Variants in COL14A1 observed in about 807,000 individuals in gnomAD.
COL14A1 encodes collagen type XIV alpha 1 chain.
COL14A1 carries 136 observed loss-of-function variants against 230.3 expected under a neutral mutation model. That is an observed-to-expected ratio of 0.59 (90% CI 0.51 to 0.68). The LOEUF (loss-of-function observed/expected upper bound fraction) is 0.68. COL14A1 is among the 30% of genes least tolerant of loss of function. The pLI is 0.00. For missense variants in COL14A1, 1,976 were observed against 2,215.8 expected (o/e 0.89, Z 2.17); for synonymous variants, 792 against 784.1 (o/e 1.01, Z -0.17).
intron 26 of COL14A1, among the ~76,000 whole-genome samples, chr8:120,274,869 A>G (rs2129855591): frequency 6.6e-6 from 1 of 152,042 alleles, no homozygotes; most frequent in South Asian, 2.1e-4. Context: ...AAATGGAAGC[A>G]TCCCATGCTC....
chr8:120,332,856 A>T (rs1207642574), intron 42 of COL14A1, 121 bp downstream of exon 42: 7 of 698,318 alleles, frequency 1.0e-5, no homozygotes, highest in Non-Finnish European at 1.6e-5. Context: ...CTCTATGGAA[A>T]TTCATAAAGG....
rs148736776 is a variant in COL14A1 at position 120,341,322 on chromosome 8, C to T, written c.4786-3C>T. On this transcript the variant is annotated splice_region_variant and splice_polypyrimidine_tract_variant and intron_variant, in intron 42 of 47. Coordinates refer to ENST00000297848, the MANE Select transcript of COL14A1 (RefSeq NM_021110.4). ...GTAACTTGACAATTTTCCATTTATA[C>T]AGGGTGTCCCTGGAGCAAAGGGGGA... 1.4e-5 allele frequency: 23 copies of T among 1,614,124 alleles called. No homozygotes were observed. The highest frequency in any genetic ancestry group is 2.2e-5 in the East Asian group (1 of 44,888).
At chr8:120,268,010 C>G (rs1191820099) in intron 25 of COL14A1, among the ~76,000 whole-genome samples, 2 of 151,718 alleles carry the variant, frequency 1.3e-5, no homozygotes, top group Admixed American at 1.3e-4. Context: ...TTGTTGAGAG[C>G]TTAAAGCCAG....
At chr8:120,289,481 A>G (rs1820304343) in intron 33 of COL14A1, 127 bp from the exon 34 acceptor site, 2 of 875,902 alleles carry the variant, frequency 2.3e-6, no homozygotes, top group African/African-American at 3.4e-5. Context: ...TCTTTTGGCA[A>G]AATACATGGT....
intron 5 of COL14A1, among the ~76,000 whole-genome samples, chr8:120,172,734 C>T (rs930650287): frequency 1.3e-5 from 2 of 152,184 alleles, no homozygotes; most frequent in Admixed American, 6.5e-5. Context: ...TGTCATCTCC[C>T]TTGCTAGAAA....
chr8:120,196,391 G>A (rs55691821), intron 5 of COL14A1, among the ~76,000 whole-genome samples: 5,076 of 152,238 alleles, frequency 0.033, 111 homozygotes, highest in Middle Eastern at 0.092. Context: ...CAGGATAGGA[G>A]AGCCGTCTTT....
intron 19 of COL14A1, among the ~76,000 whole-genome samples, chr8:120,238,066 C>T (rs1438209644): frequency 6.6e-6 from 1 of 152,130 alleles, no homozygotes; most frequent in Non-Finnish European, 1.5e-5. Context: ...GGTGTCTCCC[C>T]ATCAGGAGGC....
chr8:120,251,250 G>C (rs576726245), intron 22 of COL14A1, among the ~76,000 whole-genome samples: 203 of 152,280 alleles, frequency 1.3e-3, no homozygotes, highest in African/African-American at 4.7e-3. Context: ...GTCAGTACCT[G>C]GCTTTCAAAT....
chr8:120,158,869 TTA>T (rs2130525853), intron 3 of COL14A1, among the ~76,000 whole-genome samples: 1 of 152,326 alleles, frequency 6.6e-6, no homozygotes, highest in South Asian at 2.1e-4. Flanking sequence ...TTCTCATATT[TTA>T]TGTTTTTATT....
At chr8:120,254,650 CTGGTCT>C (rs1819080887) in intron 22 of COL14A1, among the ~76,000 whole-genome samples, 2 of 151,858 alleles carry the variant, frequency 1.3e-5, no homozygotes. Context: ...TCCTTTGCAT[CTGGTCT>C]TTTTTCTATC....
rs183545678 is a variant in COL14A1 at position 120,259,992 on chromosome 8, C to T, written c.2870-2876C>T. On this transcript the variant is annotated intron_variant, in intron 23 of 47. Coordinates refer to ENST00000297848, the MANE Select transcript of COL14A1 (RefSeq NM_021110.4). Reference sequence around the variant, plus strand: ...ACTAAATTTTACTTACTATCAAACCCATTTCACATAATATATAATCTCACA... The same window carrying T: ...ACTAAATTTTACTTACTATCAAACCTATTTCACATAATATATAATCTCACA... Among the ~76,000 whole-genome samples the T allele has an allele frequency of 5.3e-5, 8 of 152,222 alleles. No homozygotes were observed. In the East Asian group the frequency reaches 1.5e-3, roughly 29 times the overall value.
chr8:120,126,480 T>G (rs1408281569), intron 1 of COL14A1, among the ~76,000 whole-genome samples: 1 of 152,060 alleles, frequency 6.6e-6, no homozygotes, highest in Non-Finnish European at 1.5e-5. Flanking sequence ...GAGAGTCCTC[T>G]GTTGGCAGCA....
At chr8:120,185,055 A>C (rs1420992981) in intron 5 of COL14A1, among the ~76,000 whole-genome samples, 2 of 152,218 alleles carry the variant, frequency 1.3e-5, no homozygotes, top group Non-Finnish European at 2.9e-5. Flanking sequence ...GGAAAAATAA[A>C]ACAGGGATAA....
chr8:120,173,859 C>T (rs1816183994), intron 5 of COL14A1, among the ~76,000 whole-genome samples: 1 of 151,716 alleles, frequency 6.6e-6, no homozygotes, highest in South Asian at 2.1e-4. Flanking sequence ...AGTTTTAGAA[C>T]TGCTAATCTG....
chr8:120,298,239 A>T (rs1168713730), intron 35 of COL14A1, among the ~76,000 whole-genome samples: 2 of 151,928 alleles, frequency 1.3e-5, no homozygotes, highest in Non-Finnish European at 2.9e-5. Context: ...GAAACTGCAG[A>T]CTACCTTGAG....
chr8:120,148,069 C>T, intron 2 of COL14A1, 139 bp downstream of exon 2: 1 of 579,380 alleles, frequency 1.7e-6, no homozygotes, highest in East Asian at 3.3e-5. Flanking sequence ...GAAATATACA[C>T]ATCTTTGATG....
chr8:120,324,715 G>T (rs1296788742), intron 40 of COL14A1, among the ~76,000 whole-genome samples: 2 of 152,062 alleles, frequency 1.3e-5, no homozygotes, highest in African/African-American at 4.8e-5. Context: ...TTAACAATTG[G>T]CCGGAATCTT....
At chr8:120,312,948 T>C (rs1353277275) in intron 37 of COL14A1, among the ~76,000 whole-genome samples, 1 of 152,136 alleles carries the variant, frequency 6.6e-6, no homozygotes, top group Admixed American at 6.5e-5. Flanking sequence ...ATAGGTAGGT[T>C]TTTGGGTCTA....
chr8:120,311,489 T>G (rs539109821), intron 37 of COL14A1, among the ~76,000 whole-genome samples: 3 of 152,302 alleles, frequency 2.0e-5, no homozygotes, highest in African/African-American at 7.2e-5. Flanking sequence ...GCTACTGATA[T>G]GGTTATTTCT....
Sources: gnomAD v4.1 joint callset for allele counts (sites outside exome capture counted in the v4.1 genomes callset) on GRCh38, gnomAD v4.1.1 for gene constraint, MANE v1.5 for transcripts, NCBI Gene and HGNC (gene_info 2026-07-23, HGNC 2026-07-21) for gene names.